The following NR4A3 variants were observed in gnomAD, a reference collection of about 807,000 sequenced individuals.
NR4A3 encodes the protein chondrosarcoma, extraskeletal myxoid, fused to EWS.
NR4A3 carries 13 observed loss-of-function variants against 55.6 expected under a neutral mutation model. The ratio of observed to expected loss-of-function variants is 0.23; its 90% CI spans 0.15 to 0.37. NR4A3 has a LOEUF of 0.37. Ranked by LOEUF, NR4A3 falls within the 10% of genes least tolerant of loss-of-function variation. NR4A3 has a pLI of 1.00. For synonymous variants in NR4A3, 342 were observed against 357.9 expected, an observed-to-expected ratio of 0.96 and a Z score of 0.50; for missense variants, 646 against 822.8, an observed-to-expected ratio of 0.79 and a Z score of 2.63.
intron 7 of NR4A3, among the ~76,000 whole-genome samples, chr9:99,847,909 GGTTT>G (rs1355595419): frequency 1.3e-5 from 2 of 152,116 alleles, no homozygotes; most frequent in African/African-American, 4.8e-5. Context: ...GCTGCTTCAG[GGTTT>G]GTTTGTTTTG....
chr9:99,850,742 A>T (rs183792759), intron 7 of NR4A3, among the ~76,000 whole-genome samples: 1 of 152,328 alleles, frequency 6.6e-6, no homozygotes, highest in East Asian at 1.9e-4. Flanking sequence ...GGGGATAACA[A>T]TGTCTATGTC....
intron 5 of NR4A3, among the ~76,000 whole-genome samples, chr9:99,841,608 T>C (rs766698413): frequency 6.6e-6 from 1 of 152,174 alleles, no homozygotes; most frequent in Non-Finnish European, 1.5e-5. Context: ...TCACATTTAA[T>C]CATCACAGCA....
chr9:99,844,394 G>A (rs1187679831), intron 5 of NR4A3, among the ~76,000 whole-genome samples: 1 of 152,180 alleles, frequency 6.6e-6, no homozygotes, highest in Non-Finnish European at 1.5e-5. Flanking sequence ...CACAGTCAAG[G>A]GTGAAAACCA....
intron 7 of NR4A3, among the ~76,000 whole-genome samples, chr9:99,850,576 T>C (rs1341021016): frequency 6.6e-6 from 1 of 152,146 alleles, no homozygotes; most frequent in Admixed American, 6.5e-5. Flanking sequence ...ATGTGGAGAT[T>C]GGCTGGGGGA....
In NR4A3 at chr9:99,828,057, A is replaced by C. The variant is rs1175748309; in HGVS notation, c.15A>C (p.Gln5His). The C allele has an allele frequency of 1.9e-6, 3 of 1,613,718 alleles. No homozygotes were observed. The highest frequency in any genetic ancestry group is 8.5e-7 in the Non-Finnish European group (1 of 1,179,808). ...TCCCTGCAGATATGCCCTGCGTCCA[A>C]GCCCAATATAGCCCTTCCCCTCCAG... MPCVQAQYSPSPPGS... is the reference protein window; with the variant it reads MPCVHAQYSPSPPGS... The change falls in exon 3 of 8, where the codon CAA becomes CAC. Residue 5 changes from glutamine to histidine, a missense_variant. Around this residue, in one of 5 missense-constraint regions of NR4A3, gnomAD observed 426 missense variants for 429.4 expected, o/e 0.99. Coordinates refer to ENST00000395097, the MANE Select transcript of NR4A3 (RefSeq NM_006981.4). This position sits in a 1 kb window ranked among gnomAD's most constrained non-coding sequence, Gnocchi z 7.7.
intron 5 of NR4A3, among the ~76,000 whole-genome samples, chr9:99,841,957 G>A (rs1032406774): frequency 1.3e-5 from 2 of 152,028 alleles, no homozygotes; most frequent in Non-Finnish European, 2.9e-5. Flanking sequence ...GGAACAGAGC[G>A]AGACCCTGTC....
chr9:99,841,013 A>G (rs2118567617), intron 5 of NR4A3, among the ~76,000 whole-genome samples: 1 of 152,254 alleles, frequency 6.6e-6, no homozygotes, highest in South Asian at 2.1e-4. Flanking sequence ...CAGGTGGATC[A>G]CAAGGTCAGG....
At chr9:99,836,563 T>C (rs1827563395) in intron 5 of NR4A3, among the ~76,000 whole-genome samples, 1 of 152,238 alleles carries the variant, frequency 6.6e-6, no homozygotes, top group South Asian at 2.1e-4. Flanking sequence ...CAGAAATATG[T>C]AGGCAAGAAG....
chr9:99,847,334 C>A, intron 6 of NR4A3, 103 bp from the exon 7 acceptor site: 1 of 1,086,666 alleles, frequency 9.2e-7, no homozygotes, highest in Non-Finnish European at 1.4e-6. Flanking sequence ...ACTGGGGTCC[C>A]AATGCTGCCC....
Position 99,844,785 on chromosome 9 carries a change from A to G in NR4A3, c.1391A>G (p.Glu464Gly). Residue 464 changes from glutamate (E) to glycine (G), a missense_variant, in exon 6 of 8, where the codon GAA (glutamate) becomes GGA (glycine). This residue lies in a region of NR4A3 where 163 missense variants were observed against 233.0 expected (regional missense o/e 0.70). Transcript: ENST00000395097. ...CCGGGATTTACTGATCTCCCCAAAG[A>G]AGATCAGACATTACTTATTGAATCA... is the stretch of plus-strand genomic sequence containing the variant. ...KIPGFTDLPK[E>G]DQTLLIESAF... 6.2e-7 allele frequency: 1 copy of G among 1,614,090 alleles called. No individual in the cohort carries two copies. Among genetic ancestry groups the G allele is most frequent in the South Asian group, 1.1e-5 (1 of 91,088 alleles).
intron 5 of NR4A3, among the ~76,000 whole-genome samples, chr9:99,842,608 G>A (rs574622747): frequency 3.3e-5 from 5 of 152,236 alleles, no homozygotes; most frequent in African/African-American, 1.2e-4. Flanking sequence ...GCACACACCT[G>A]TAGTTCCAGC....
intron 4 of NR4A3, 96 bp downstream of exon 4, chr9:99,832,914 T>C: frequency 1.8e-6 from 2 of 1,112,468 alleles, no homozygotes; most frequent in Non-Finnish European, 1.2e-6. Flanking sequence ...TGAATTTTTC[T>C]AGTTCCTTTT....
At chr9:99,858,539 T>C (rs1471253856) in intron 7 of NR4A3, among the ~76,000 whole-genome samples, 1 of 152,230 alleles carries the variant, frequency 6.6e-6, no homozygotes, top group African/African-American at 2.4e-5. Flanking sequence ...GTTCAATAAA[T>C]ATTTGTTGAA....
At chr9:99,830,004 A>G (rs1827408574) in intron 3 of NR4A3, among the ~76,000 whole-genome samples, 2 of 152,122 alleles carry the variant, frequency 1.3e-5, no homozygotes, top group African/African-American at 4.8e-5. Flanking sequence ...TTGCTGTGCT[A>G]CCTTTTGCTG....
chr9:99,846,751 G>C (rs1827761130), intron 6 of NR4A3, among the ~76,000 whole-genome samples: 1 of 152,158 alleles, frequency 6.6e-6, no homozygotes, highest in Non-Finnish European at 1.5e-5. Context: ...AGGTTCAAGT[G>C]ATCCTCCTGC....
rs1015682397 is a variant in NR4A3, at chr9:99,825,772, C to G, written c.-63C>G. 5.9e-6 allele frequency: 1 copy of G among 168,114 alleles called. No homozygotes were observed. The highest frequency in any genetic ancestry group is 2.4e-5 in the African/African-American group (1 of 41,950). 10.4% of individuals were successfully genotyped at this position (168,114 alleles called of 1,614,324 possible). On this transcript the variant is annotated 5_prime_UTR_variant, in exon 2 of 8. Coordinates refer to ENST00000395097, the MANE Select transcript of NR4A3 (RefSeq NM_006981.4). The surrounding 1 kb of genome is among the most constrained non-coding windows in gnomAD (Gnocchi z 5.0). ...TCGCCGGACGTCCGCTCCTCCTACA[C>G]TCTCAGCCTCCGCTGGAGAGACCCC...
chr9:99,842,651 A>G (rs1827674539), intron 5 of NR4A3, among the ~76,000 whole-genome samples: 1 of 151,676 alleles, frequency 6.6e-6, no homozygotes, highest in Non-Finnish European at 1.5e-5. Flanking sequence ...AATCGCTTGA[A>G]CCCAGGAGGT....
At chr9:99,848,201 C>T (rs1827789302) in intron 7 of NR4A3, among the ~76,000 whole-genome samples, 1 of 152,200 alleles carries the variant, frequency 6.6e-6, no homozygotes, top group Admixed American at 6.5e-5. Flanking sequence ...CCCCTGTCCC[C>T]AGTTCTTGGC....
In NR4A3 at chr9:99,844,640, G is replaced by C; in HGVS notation, c.1255-9G>C. 6.2e-7 allele frequency: 1 copy of C among 1,613,454 alleles called. No individual in the cohort carries two copies. The highest frequency in any genetic ancestry group is 8.5e-7 in the Non-Finnish European group (1 of 1,179,480). On this transcript the variant is annotated splice_polypyrimidine_tract_variant and intron_variant, in intron 5 of 7. Coordinates refer to ENST00000395097, the MANE Select transcript of NR4A3 (RefSeq NM_006981.4). ...AGGATAATGCTGCTCTCTCTGGTTT[G>C]CATTCTAGTACTGTCCCACTGACCA...
Sources: allele counts gnomAD v4.1 joint callset (sites outside exome capture counted in the v4.1 genomes callset), GRCh38; gene constraint gnomAD v4.1.1; regional missense constraint gnomAD v4.1.1; non-coding constraint Gnocchi (gnomAD v3.1); transcripts MANE v1.5; gene names NCBI Gene and HGNC (gene_info 2026-07-23, HGNC 2026-07-21).